Variants in TTC28 observed in about 807,000 individuals in gnomAD.
TTC28 encodes the protein tetratricopeptide repeat protein 28.
TTC28 carries 61 observed loss-of-function variants against 198.0 expected under a neutral mutation model. The observed-to-expected ratio is 0.31, with a 90% CI of 0.25 to 0.38. The LOEUF (loss-of-function observed/expected upper bound fraction) is 0.38. TTC28 is among the 10% of genes least tolerant of loss of function. The pLI is 1.00. For synonymous variants in TTC28, 1,171 were observed against 1,297.8 expected, an observed-to-expected ratio of 0.90 and a Z score of 2.10; for missense variants, 2,678 against 3,164.0, an observed-to-expected ratio of 0.85 and a Z score of 3.69.
At chr22:28,610,902 C>T (rs748772850) in intron 2 of TTC28, among the ~76,000 whole-genome samples, 7 of 152,022 alleles carry the variant, frequency 4.6e-5, no homozygotes, top group Non-Finnish European at 7.4e-5. Flanking sequence ...CAGAAAAACA[C>T]AGCATGAGAA....
chr22:28,156,489 GTGT>G (rs1943751394), intron 6 of TTC28, among the ~76,000 whole-genome samples: 1 of 152,228 alleles, frequency 6.6e-6, no homozygotes, highest in Non-Finnish European at 1.5e-5. Context: ...GAATAAATTT[GTGT>G]TGTTTTAAAC....
chr22:28,309,015 T>C (rs1227302269), intron 2 of TTC28, among the ~76,000 whole-genome samples: 3 of 152,186 alleles, frequency 2.0e-5, no homozygotes, highest in African/African-American at 7.2e-5. Context: ...TGAATAAAAA[T>C]GAGTTCTTTA....
chr22:28,048,384 G>T (rs1027866835), intron 12 of TTC28, among the ~76,000 whole-genome samples: 4 of 151,996 alleles, frequency 2.6e-5, no homozygotes, highest in African/African-American at 9.7e-5. Context: ...CAGAGCTTTG[G>T]GGTGGGAGAT....
chr22:28,392,153 CG>C (rs2046734454), intron 2 of TTC28, among the ~76,000 whole-genome samples: 1 of 152,176 alleles, frequency 6.6e-6, no homozygotes, highest in East Asian at 1.9e-4. Flanking sequence ...TTAGGCTGCT[CG>C]GGGGTCAGGG....
intron 2 of TTC28, among the ~76,000 whole-genome samples, chr22:28,530,820 G>C (rs997515024): frequency 6.6e-6 from 1 of 152,152 alleles, no homozygotes; most frequent in African/African-American, 2.4e-5. Context: ...AGCTTCATAA[G>C]TGAAGGAGAA....
intron 5 of TTC28, among the ~76,000 whole-genome samples, chr22:28,179,152 G>GTTTTTTT (rs1012464191): frequency 6.7e-6 from 1 of 149,016 alleles, no homozygotes; most frequent in African/African-American, 2.5e-5. Context: ...TTAGTTTTTT[G>GTTTTTTT]TTTTTTTGTT....
At chr22:28,117,710 A>G (rs1942670810) in intron 6 of TTC28, among the ~76,000 whole-genome samples, 1 of 152,242 alleles carries the variant, frequency 6.6e-6, no homozygotes, top group Non-Finnish European at 1.5e-5. Context: ...TTGATACCAT[A>G]CATTTTGTCA....
intron 13 of TTC28, chr22:28,029,181 G>A: frequency 2.2e-6 from 1 of 459,188 alleles, no homozygotes; most frequent in South Asian, 1.6e-5. Context: ...AACTAAGGGT[G>A]AACTAGCTTG....
chr22:28,073,078 G>A (rs928933403), intron 12 of TTC28, among the ~76,000 whole-genome samples: 1 of 152,172 alleles, frequency 6.6e-6, no homozygotes, highest in African/African-American at 2.4e-5. Flanking sequence ...GATTCTAGAA[G>A]CAAATGGGTA....
At chr22:28,651,247 C>A (rs2051558715) in intron 1 of TTC28, among the ~76,000 whole-genome samples, 1 of 152,140 alleles carries the variant, frequency 6.6e-6, no homozygotes, top group South Asian at 2.1e-4. Context: ...GAGTCTCCCA[C>A]CTTGGCCTCC....
intron 2 of TTC28, among the ~76,000 whole-genome samples, chr22:28,387,790 AGGTTGCCT>A (rs1181419050): frequency 6.6e-6 from 1 of 151,980 alleles, no homozygotes; most frequent in Non-Finnish European, 1.5e-5. Context: ...CCCATTTTGT[AGGTTGCCT>A]GTTCACTCTG....
At chr22:28,069,403 G>C (rs1940877986) in intron 12 of TTC28, among the ~76,000 whole-genome samples, 1 of 152,124 alleles carries the variant, frequency 6.6e-6, no homozygotes, top group South Asian at 2.1e-4. Context: ...CTGACACATG[G>C]AAAGTGCCCA....
At chr22:28,004,659 G>C (rs949930102) in intron 14 of TTC28, among the ~76,000 whole-genome samples, 2 of 152,182 alleles carry the variant, frequency 1.3e-5, no homozygotes, top group African/African-American at 4.8e-5. Context: ...GAAATGTGTG[G>C]GCTTGTGGGG....
At chr22:28,553,392 C>T (rs1381823167) in intron 2 of TTC28, among the ~76,000 whole-genome samples, 3 of 151,900 alleles carry the variant, frequency 2.0e-5, no homozygotes, top group African/African-American at 7.2e-5. Flanking sequence ...AGCGTCTCTG[C>T]CCGGCCGCCC....
intron 2 of TTC28, among the ~76,000 whole-genome samples, chr22:28,351,680 T>G (rs147000740): frequency 1.3e-5 from 2 of 152,190 alleles, no homozygotes; most frequent in African/African-American, 4.8e-5. Context: ...CTGCCTGAGA[T>G]AGAAGAAGGC....
Position 28,001,666 on chromosome 22 carries a change from CTGTGGGGG to C in TTC28, c.4219-121_4219-114del, listed in dbSNP as rs961702685. On this transcript the variant is annotated intron_variant, in intron 14 of 22. Coordinates refer to ENST00000397906, the MANE Select transcript of TTC28 (RefSeq NM_001145418.2). ...TGACACAAGCACGAGCAGGTGAGGC[CTGTGGGGG>C]TGTGGGGCGCCATGGGGCATGGGCC... 29 of 1,292,138 alleles carry C rather than the reference CTGTGGGGG, an allele frequency of 2.2e-5. No individual in the cohort carries two copies. The Admixed American group carries it at 3.1e-4, about 14-fold the overall frequency. The allele number at this position is 1,292,138 out of a possible 1,614,324, so 80.0% of individuals were successfully genotyped here.
At chr22:28,230,586 C>A (rs1424351113) in intron 5 of TTC28, among the ~76,000 whole-genome samples, 4 of 152,124 alleles carry the variant, frequency 2.6e-5, no homozygotes, top group Non-Finnish European at 4.4e-5. Flanking sequence ...ACATGCCATG[C>A]CAGATTCATC....
chr22:28,636,968 G>A (rs1368337411), intron 1 of TTC28, among the ~76,000 whole-genome samples: 1 of 135,706 alleles, frequency 7.4e-6, no homozygotes, highest in Admixed American at 7.3e-5. Flanking sequence ...TTTCCCCCAT[G>A]TTTTCTTCTA....
chr22:28,028,777 T>G (rs908915801), intron 13 of TTC28: 3 of 317,052 alleles, frequency 9.5e-6, no homozygotes, highest in Non-Finnish European at 1.9e-5. Flanking sequence ...AACCCACCAG[T>G]TGTTCAGTGC....
Sources: allele counts gnomAD v4.1 joint callset (sites outside exome capture counted in the v4.1 genomes callset), GRCh38; gene constraint gnomAD v4.1.1; transcripts MANE v1.5; gene names NCBI Gene and HGNC (gene_info 2026-07-23, HGNC 2026-07-21).